The following PRDM9 variants were observed in gnomAD, a reference collection of about 807,000 sequenced individuals.
PRDM9 encodes the protein PR/SET domain 9, also known as histone-lysine N-methyltransferase PRDM9.
Under a neutral mutation model 55.6 loss-of-function variants are expected in PRDM9, and 47 were observed. The ratio of observed to expected loss-of-function variants is 0.85; its 90% CI spans 0.67 to 1.08. The LOEUF (loss-of-function observed/expected upper bound fraction) is 1.08. Among genes scored for constraint, PRDM9 ranks in the 50% least tolerant of loss-of-function variants. The probability of loss-of-function intolerance (pLI) is 0.00; values close to 1 mark genes in which losing one functional copy is unlikely to be tolerated. For missense variants in PRDM9, 867 were observed against 1,040.3 expected, an observed-to-expected ratio of 0.83 and a Z score of 2.29; for synonymous variants, 312 against 375.7, an observed-to-expected ratio of 0.83 and a Z score of 1.96.
In PRDM9 at chr5:23,522,958, T is replaced by C. The variant is rs553378483; in HGVS notation, c.882+73T>C. 1.7e-5 allele frequency: 28 copies of C among 1,609,964 alleles called. No individual in the cohort carries two copies. In the South Asian group the frequency reaches 1.8e-4, roughly 10 times the overall value. ...CTGTGCCTTTGGTGGGGCATAATCTTCTACATGTTAGTATATAGGTAAGGA... is the reference window on the plus strand; with the variant it reads ...CTGTGCCTTTGGTGGGGCATAATCTCCTACATGTTAGTATATAGGTAAGGA... On this transcript the variant is annotated intron_variant, in intron 8 of 10. Transcript: ENST00000296682.
rs79093667 is a variant in PRDM9, at chr5:23,523,594, A to G, written c.950+236A>G. On this transcript the variant is annotated intron_variant, in intron 9 of 10. Coordinates refer to ENST00000296682, the MANE Select transcript of PRDM9 (RefSeq NM_020227.4). Reference sequence around the variant, plus strand: ...TGCTAGACAAAATTGAGGCACCAAGATAAACCTTGAGAAGCCTAGATTCAC... The same window carrying G: ...TGCTAGACAAAATTGAGGCACCAAGGTAAACCTTGAGAAGCCTAGATTCAC... Among the ~76,000 whole-genome samples the G allele has an allele frequency of 8.3e-3, 1,269 of 152,292 alleles. 13 individuals are homozygous for G. The highest frequency in any genetic ancestry group is 0.012 in the Non-Finnish European group (783 of 68,018).
rs757033244 is a variant in PRDM9, at chr5:23,522,826, C to A, written c.823C>A (p.Pro275Thr). Residue 275 changes from proline to threonine, a missense_variant, in exon 8 of 11, where the codon CCT becomes ACT. Pro to Thr is a conservative substitution (Grantham distance 38). This residue lies in a region of PRDM9 where 662 missense variants were observed against 711.9 expected (regional missense o/e 0.93). Coordinates refer to ENST00000296682, the MANE Select transcript of PRDM9 (RefSeq NM_020227.4). ...SDLPLGLHFG[P>T]YEGRITEDEE... ...TCTGCCGCTGGGTCTGCACTTTGGC[C>A]CTTATGAGGGCCGAATTACAGAAGA... The A allele has an allele frequency of 6.2e-7, 1 of 1,614,056 alleles. No individual in the cohort carries two copies. The highest frequency in any genetic ancestry group is 8.5e-7 in the Non-Finnish European group (1 of 1,180,052).
At position 23,522,841 on chromosome 5, in the gene PRDM9, A is replaced by G. The variant is rs748705274; in HGVS notation, c.838A>G (p.Ile280Val). 14 of 1,614,258 alleles carry G rather than the reference A, an allele frequency of 8.7e-6. No individual in the cohort carries two copies. The East Asian group carries it at 3.1e-4, about 36-fold the overall frequency. The change falls in exon 8 of 11, where the codon ATT (isoleucine) becomes GTT (valine). Residue 280 changes from isoleucine (I) to valine (V), a missense_variant. Coordinates refer to ENST00000296682, the MANE Select transcript of PRDM9 (RefSeq NM_020227.4). ...GCACTTTGGCCCTTATGAGGGCCGA[A>G]TTACAGAAGACGAAGAGGCAGCCAA... ...GLHFGPYEGR[I>V]TEDEEAANNG...
chr5:23,518,127 T>C (rs575062231), intron 5 of PRDM9, among the ~76,000 whole-genome samples, 197 bp downstream of exon 5: 1 of 152,376 alleles, frequency 6.6e-6, no homozygotes, highest in Admixed American at 6.5e-5. Flanking sequence ...TGTTATTTTC[T>C]CAGTATTTTC....
Position 23,527,560 on chromosome 5 carries a change from GAC to G in PRDM9, c.2480_2481del (p.Thr827ArgfsTer17). ...AGTCACACCTCCTCAGACACCAGAG[GAC>G]ACACACAGGGGAGAAGCCCTATGTC... ...NKSHLLRHQR[T>X]HTGEKPYVCR... On this transcript the variant is annotated frameshift_variant, in exon 11 of 11. Coordinates refer to ENST00000296682, the MANE Select transcript of PRDM9 (RefSeq NM_020227.4). LOFTEE classifies it low-confidence loss of function (END_TRUNC). 3 of 1,575,738 alleles carry G rather than the reference GAC, an allele frequency of 1.9e-6. No homozygotes were observed. The highest frequency in any genetic ancestry group is 2.6e-6 in the Non-Finnish European group (3 of 1,168,626).
chr5:23,510,627 G>GGATGATGAT lies in PRDM9; in HGVS notation c.301+635_301+643dup, dbSNP rs201050539. On this transcript the variant is annotated intron_variant, in intron 4 of 10. Transcript: ENST00000296682. ...CCTGCCTTGGCCTCCCAAAGTGCTG[G>GGATGATGAT]GATGATGATGATGATGATGATGATG... Among the ~76,000 whole-genome samples the GGATGATGAT allele has an allele frequency of 3.7e-3, 522 of 142,874 alleles. 2 individuals are homozygous for GGATGATGAT. Among genetic ancestry groups the GGATGATGAT allele is most frequent in the East Asian group, 8.2e-3 (38 of 4,618 alleles). The allele number at this position is 142,874 out of a possible 152,430, so 93.7% of individuals were successfully genotyped here.
intron 4 of PRDM9, among the ~76,000 whole-genome samples, chr5:23,510,482 C>G (rs1222959769): frequency 1.3e-5 from 2 of 151,162 alleles, no homozygotes; most frequent in Non-Finnish European, 2.9e-5. Flanking sequence ...CTCAGCTTCT[C>G]GAGTAGCTGG....
chr5:23,522,840 A>G lies in PRDM9; in HGVS notation c.837A>G (p.Arg279=), dbSNP rs368629956. The G allele has an allele frequency of 1.7e-5, 27 of 1,614,128 alleles. No individual in the cohort carries two copies. In the East Asian group the frequency reaches 2.5e-4, roughly 15 times the overall value. Residue 279 remains arginine, a synonymous_variant, in exon 8 of 11, where the codon CGA becomes CGG. Coordinates refer to ENST00000296682, the MANE Select transcript of PRDM9 (RefSeq NM_020227.4). ...TGCACTTTGGCCCTTATGAGGGCCG[A>G]ATTACAGAAGACGAAGAGGCAGCCA... ...LGLHFGPYEG[R]ITEDEEAANN... is the part of the protein sequence containing the mutation.
At position 23,525,240 on chromosome 5, in the gene PRDM9, C is replaced by T. The variant is rs373710578; in HGVS notation, c.1144+713C>T. Among the ~76,000 whole-genome samples the T allele has an allele frequency of 3.5e-4, 53 of 152,292 alleles. 1 individual carries two copies. The South Asian group carries it at 4.8e-3, about 14-fold the overall frequency. ...GGGCGCAGCTAGTGCAATGGTCCTACGGCCAGAAAGAATTCAGCTTTGGTT... is the reference window on the plus strand; with the variant it reads ...GGGCGCAGCTAGTGCAATGGTCCTATGGCCAGAAAGAATTCAGCTTTGGTT... On this transcript the variant is annotated intron_variant, in intron 10 of 10. Transcript: ENST00000296682.
chr5:23,518,431 T>C (rs1319898755), intron 5 of PRDM9, among the ~76,000 whole-genome samples: 1 of 152,216 alleles, frequency 6.6e-6, no homozygotes, highest in Non-Finnish European at 1.5e-5. Context: ...TTCGTCCAAC[T>C]GACTTTTTAA....
intron 4 of PRDM9, among the ~76,000 whole-genome samples, chr5:23,515,283 T>G (rs1035385992): frequency 1.3e-5 from 2 of 152,120 alleles, no homozygotes; most frequent in African/African-American, 4.8e-5. Flanking sequence ...ACTCTTTATC[T>G]TCTTTTTTTG....
In PRDM9 at chr5:23,523,349, A is replaced by G; in HGVS notation, c.941A>G (p.Asn314Ser). 1 of 1,613,078 alleles carries G rather than the reference A, an allele frequency of 6.2e-7. No homozygotes were observed. Among genetic ancestry groups the G allele is most frequent in the Non-Finnish European group, 8.5e-7 (1 of 1,179,052 alleles). Residue 314 changes from asparagine to serine, a missense_variant, in exon 9 of 11, where the codon AAC (asparagine) becomes AGC (serine). Coordinates refer to ENST00000296682, the MANE Select transcript of PRDM9 (RefSeq NM_020227.4). ...YVDGKDKSWA[N>S]WMRYVNCARD... Reference sequence around the variant, plus strand: ...GATGGAAAAGATAAATCCTGGGCCAACTGGATGAGGTAAGGCCAGTAGCTC... The same window carrying G: ...GATGGAAAAGATAAATCCTGGGCCAGCTGGATGAGGTAAGGCCAGTAGCTC...
At chr5:23,514,511 C>A (rs1308829265) in intron 4 of PRDM9, among the ~76,000 whole-genome samples, 1 of 151,922 alleles carries the variant, frequency 6.6e-6, no homozygotes, top group Non-Finnish European at 1.5e-5. Flanking sequence ...TTCAGTGGTG[C>A]GATCTCAGCT....
intron 4 of PRDM9, among the ~76,000 whole-genome samples, chr5:23,511,633 A>T (rs955362575): frequency 3.2e-4 from 48 of 152,302 alleles, no homozygotes; most frequent in African/African-American, 1.1e-3. Flanking sequence ...GACATGAGCC[A>T]CCACACCTGG....
At chr5:23,525,805 T>A (rs1229301773) in intron 10 of PRDM9, among the ~76,000 whole-genome samples, 1 of 152,178 alleles carries the variant, frequency 6.6e-6, no homozygotes, top group African/African-American at 2.4e-5. Flanking sequence ...AGAGTGTTAT[T>A]TCTCAATAGA....
At chr5:23,523,475 C>A in intron 9 of PRDM9, 117 bp downstream of exon 9, 3 of 1,091,468 alleles carry the variant, frequency 2.7e-6, no homozygotes, top group East Asian at 2.4e-5. Flanking sequence ...TTCTATTTTT[C>A]TCCATACAAT....
chr5:23,517,882 C>T lies in PRDM9; in HGVS notation c.303C>T (p.Val101=). 1 of 1,595,866 alleles carries T rather than the reference C, an allele frequency of 6.3e-7. No homozygotes were observed. The highest frequency in any genetic ancestry group is 8.6e-7 in the Non-Finnish European group (1 of 1,163,380). The change falls in exon 5 of 11, where the codon GTC becomes GTT. Residue 101 remains valine, a splice_region_variant and synonymous_variant. Coordinates refer to ENST00000296682, the MANE Select transcript of PRDM9 (RefSeq NM_020227.4). ...SDEEWTPRQQ[V]KPPWMALRVE... ...CACTGATTTCTCATCACCTTTTAGT[C>T]AAACCTCCTTGGATGGCCTTAAGAG...
rs1334040870 is a variant in PRDM9 at position 23,521,154 on chromosome 5, T to C, written c.483T>C (p.Ser161=). The C allele has an allele frequency of 3.1e-6, 5 of 1,613,512 alleles. No individual in the cohort carries two copies. The highest frequency in any genetic ancestry group is 3.4e-6 in the Non-Finnish European group (4 of 1,180,038). ...PVSPSGEAST[S]GQHSRLKLEL... is the part of the protein sequence containing the mutation. ...CCCCTTCTGGAGAAGCAAGTACCTC[T>C]GGACAGCACTCAAGACTAAAACTGG... Residue 161 remains serine, a synonymous_variant, in exon 6 of 11, where the codon TCT becomes TCC. Coordinates refer to ENST00000296682, the MANE Select transcript of PRDM9 (RefSeq NM_020227.4).
chr5:23,522,735 AG>A lies in PRDM9; in HGVS notation c.735del (p.Leu246Ter). On this transcript the variant is annotated frameshift_variant, in exon 8 of 11. Coordinates refer to ENST00000296682, the MANE Select transcript of PRDM9 (RefSeq NM_020227.4). LOFTEE classifies it high-confidence loss of function. ...ACCGTTCAGCCCTCAGTCTGCCCCCAGGGCTGAGAATTGGGCCATCAGGCAT... is the reference window on the plus strand; with the variant it reads ...ACCGTTCAGCCCTCAGTCTGCCCCCAGGCTGAGAATTGGGCCATCAGGCAT... ...PNRSALSLPP[G>X]LRIGPSGIPQ... 1 of 1,614,194 alleles carries A rather than the reference AG, an allele frequency of 6.2e-7. No individual in the cohort carries two copies. Among genetic ancestry groups the A allele is most frequent in the Non-Finnish European group, 8.5e-7 (1 of 1,180,044 alleles).
Sources: gnomAD v4.1 joint callset for allele counts (sites outside exome capture counted in the v4.1 genomes callset) on GRCh38, gnomAD v4.1.1 for gene constraint, gnomAD v4.1.1 regional missense constraint, MANE v1.5 for transcripts, NCBI Gene and HGNC (gene_info 2026-07-23, HGNC 2026-07-21) for gene names.